The following RIT2 variants were observed in gnomAD, a reference collection of about 807,000 sequenced individuals.
The protein encoded by RIT2 is Ras like without CAAX 2, also known as GTP-binding protein Rit2.
A neutral mutation model predicts 23.7 loss-of-function variants in RIT2; 24 were observed. The observed-to-expected ratio is 1.01, with a 90% CI of 0.73 to 1.43. The LOEUF is 1.43. RIT2 is among the 40% of genes most tolerant of loss of function. The probability of loss-of-function intolerance (pLI) is 0.00; values close to 1 mark genes in which losing one functional copy is unlikely to be tolerated. For missense variants in RIT2, 236 were observed against 266.9 expected (o/e 0.88, Z 0.81); for synonymous variants, 107 against 91.1 (o/e 1.17, Z -0.99).
At chr18:42,843,939 T>A (rs561428149) in intron 4 of RIT2, among the ~76,000 whole-genome samples, 1 of 152,282 alleles carries the variant, frequency 6.6e-6, no homozygotes, top group Admixed American at 6.5e-5. Flanking sequence ...ATGTTACCTA[T>A]TACAGGAATA....
chr18:43,003,796 AC>A (rs1911164349), intron 2 of RIT2, among the ~76,000 whole-genome samples: 1 of 145,516 alleles, frequency 6.9e-6, no homozygotes. Context: ...ACACACACAC[AC>A]ACACACACAC....
rs543642740 is a variant in RIT2, at chr18:42,773,876, A to G, written c.427-30156T>C. Among the ~76,000 whole-genome samples the G allele has an allele frequency of 3.3e-5, 5 of 152,292 alleles. No homozygotes were observed. In the East Asian group the frequency reaches 9.7e-4, roughly 29 times the overall value. ...AACACAAAAGCTGGACTCTTCCTATATTTTATTCTTTAAAATAGTAATTAT... is the reference window on the plus strand; with the variant it reads ...AACACAAAAGCTGGACTCTTCCTATGTTTTATTCTTTAAAATAGTAATTAT... On this transcript the variant is annotated intron_variant, in intron 4 of 4. Coordinates refer to ENST00000326695, the MANE Select transcript of RIT2 (RefSeq NM_002930.4).
intron 1 of RIT2, among the ~76,000 whole-genome samples, chr18:43,057,752 T>C (rs1289095844): frequency 2.6e-5 from 4 of 151,538 alleles, no homozygotes; most frequent in East Asian, 2.0e-4. Context: ...GCAGCAGATA[T>C]TAATATTTTC....
chr18:42,828,032 A>C (rs71352055), intron 4 of RIT2, among the ~76,000 whole-genome samples: 113 of 150,950 alleles, frequency 7.5e-4, no homozygotes, highest in Admixed American at 1.8e-3. Flanking sequence ...AAAAAAGAAA[A>C]ATGTAAAATA....
chr18:42,893,616 T>G (rs1908242499), intron 4 of RIT2, among the ~76,000 whole-genome samples: 1 of 152,234 alleles, frequency 6.6e-6, no homozygotes, highest in African/African-American at 2.4e-5. Context: ...TAGCACTTTC[T>G]AATTTTAGGA....
chr18:42,800,561 C>T (rs996118385), intron 4 of RIT2, among the ~76,000 whole-genome samples: 2 of 139,086 alleles, frequency 1.4e-5, no homozygotes, highest in African/African-American at 5.1e-5. Flanking sequence ...CTCGCTCTGT[C>T]GCCCAGGCTG....
intron 4 of RIT2, among the ~76,000 whole-genome samples, chr18:42,786,724 C>T (rs1291217855): frequency 6.6e-6 from 1 of 152,086 alleles, no homozygotes; most frequent in Non-Finnish European, 1.5e-5. Flanking sequence ...CATTTCCACC[C>T]ACAGACCCTA....
intron 2 of RIT2, among the ~76,000 whole-genome samples, chr18:43,007,260 G>A (rs1202148145): frequency 1.3e-5 from 2 of 151,686 alleles, no homozygotes; most frequent in Admixed American, 6.6e-5. Flanking sequence ...GACTATATGA[G>A]GGAGAGGATG....
chr18:43,010,658 G>T (rs1484286662), intron 2 of RIT2, among the ~76,000 whole-genome samples: 3 of 151,864 alleles, frequency 2.0e-5, no homozygotes, highest in African/African-American at 7.2e-5. Context: ...AGAAAGAATA[G>T]TCATCAGGCA....
chr18:42,952,537 T>C (rs979068628), intron 3 of RIT2, among the ~76,000 whole-genome samples: 7 of 152,038 alleles, frequency 4.6e-5, no homozygotes, highest in Non-Finnish European at 7.4e-5. Context: ...ACATTAAGTG[T>C]TTTTATCTGC....
intron 4 of RIT2, among the ~76,000 whole-genome samples, chr18:42,900,943 C>A (rs965579851): frequency 6.6e-6 from 1 of 151,944 alleles, no homozygotes; most frequent in African/African-American, 2.4e-5. Context: ...GAGGTCAAAG[C>A]TATTTTTATA....
chr18:43,007,731 A>G (rs1403532774), intron 2 of RIT2, among the ~76,000 whole-genome samples: 1 of 151,734 alleles, frequency 6.6e-6, no homozygotes, highest in Admixed American at 6.6e-5. Flanking sequence ...CAAATTCACA[A>G]TAACATATGG....
chr18:42,928,913 G>T (rs1237898826), intron 3 of RIT2, among the ~76,000 whole-genome samples: 1 of 151,002 alleles, frequency 6.6e-6, no homozygotes, highest in Non-Finnish European at 1.5e-5. Flanking sequence ...ATTTTATCAT[G>T]GAATACTGCT....
At chr18:42,930,574 T>C (rs1313649053) in intron 3 of RIT2, among the ~76,000 whole-genome samples, 1 of 151,952 alleles carries the variant, frequency 6.6e-6, no homozygotes, top group Non-Finnish European at 1.5e-5. Context: ...AAATTAAATA[T>C]GGTTCCAGTT....
At chr18:42,864,367 A>G (rs1374466248) in intron 4 of RIT2, among the ~76,000 whole-genome samples, 1 of 152,226 alleles carries the variant, frequency 6.6e-6, no homozygotes, top group African/African-American at 2.4e-5. Context: ...TCTGTGTACA[A>G]TAGTCATTTA....
chr18:43,060,118 G>A (rs940446186), intron 1 of RIT2, among the ~76,000 whole-genome samples: 6 of 152,142 alleles, frequency 3.9e-5, no homozygotes, highest in Admixed American at 2.6e-4. Flanking sequence ...ATTTTATAGA[G>A]AGCAGTAGAA....
At chr18:42,997,686 GA>G (rs144223181) in intron 2 of RIT2, among the ~76,000 whole-genome samples, 8 of 151,386 alleles carry the variant, frequency 5.3e-5, no homozygotes, top group Admixed American at 1.3e-4. Context: ...AATCAAAACT[GA>G]AAAAAAATCA....
chr18:42,852,163 C>G (rs1168896455), intron 4 of RIT2, among the ~76,000 whole-genome samples: 1 of 152,192 alleles, frequency 6.6e-6, no homozygotes, highest in Admixed American at 6.5e-5. Flanking sequence ...TATTAAAATA[C>G]AAAGTGTGCC....
chr18:43,049,972 CTTTTTTTTTTT>C lies in RIT2; in HGVS notation c.104-16116_104-16106del, dbSNP rs755291383. On this transcript the variant is annotated intron_variant, in intron 1 of 4. Coordinates refer to ENST00000326695, the MANE Select transcript of RIT2 (RefSeq NM_002930.4). ...CAATGGGTAATTGAGAAGGGATTTC[CTTTTTTTTTTT>C]TTTTTTTTTTTTTTTTTTAATGAAC... Among the ~76,000 whole-genome samples, 51 of 66,006 alleles carry C rather than the reference CTTTTTTTTTTT, an allele frequency of 7.7e-4. No homozygotes were observed. The East Asian group carries it at 8.2e-3, about 11-fold the overall frequency. The allele number at this position is 66,006 out of a possible 152,430, so 43.3% of individuals were successfully genotyped here.
Sources: allele counts gnomAD v4.1 joint callset (sites outside exome capture counted in the v4.1 genomes callset), GRCh38; gene constraint gnomAD v4.1.1; transcripts MANE v1.5; gene names NCBI Gene and HGNC (gene_info 2026-07-23, HGNC 2026-07-21).